The following TBP variants were observed in gnomAD, a reference collection of about 807,000 sequenced individuals.
TBP encodes TATA-box-binding protein.
Under a neutral mutation model 46.2 loss-of-function variants are expected in TBP, and 12 were observed. The observed-to-expected ratio is 0.26, with a 90% CI of 0.17 to 0.42. The LOEUF (loss-of-function observed/expected upper bound fraction) is 0.42. TBP is among the 10% of genes least tolerant of loss of function. TBP has a pLI of 1.00. For synonymous variants in TBP, 157 were observed against 148.3 expected (o/e 1.06, Z -0.42); for missense variants, 229 against 403.1 (o/e 0.57, Z 3.70).
At chr6:170,567,419 AG>A (rs1779284243) in intron 5 of TBP, 1 of 152,924 alleles carries the variant, frequency 6.5e-6, no homozygotes. Context: ...CGGGAGGTGG[AG>A]GTTGCAGTGA....
rs577070091 is a variant in TBP at position 170,561,829 on chromosome 6, G to C, written c.93G>C (p.Met31Ile). ...CCGGAATCCCTATCTTTAGTCCAATGATGCCTTATGGCACTGGACTGACCC... is the reference window on the plus strand; with the variant it reads ...CCGGAATCCCTATCTTTAGTCCAATCATGCCTTATGGCACTGGACTGACCC... ...MTPGIPIFSPMMPYGTGLTPQ... is the reference protein window; with the variant it reads ...MTPGIPIFSPIMPYGTGLTPQ... Residue 31 changes from methionine (M) to isoleucine (I), a missense_variant, in exon 3 of 8, where the codon ATG (methionine) becomes ATC (isoleucine). Transcript: ENST00000392092. 8.7e-6 allele frequency: 14 copies of C among 1,613,030 alleles called. No homozygotes were observed. In the East Asian group the frequency reaches 3.1e-4, roughly 36 times the overall value.
intron 3 of TBP, among the ~76,000 whole-genome samples, chr6:170,562,995 T>G (rs1779177411): frequency 6.6e-6 from 1 of 152,162 alleles, no homozygotes. Flanking sequence ...CATATATGGT[T>G]GTTGTTTATA....
At chr6:170,561,098 T>C (rs960015223) in intron 2 of TBP, among the ~76,000 whole-genome samples, 3 of 152,330 alleles carry the variant, frequency 2.0e-5, no homozygotes, top group Middle Eastern at 3.4e-3. Flanking sequence ...TCAGCAGCCA[T>C]CAACATCGAG....
In TBP at chr6:170,557,798, C is replaced by T. The variant is rs1216744884; in HGVS notation, c.54+715C>T. On this transcript the variant is annotated intron_variant, in intron 2 of 7. Coordinates refer to ENST00000392092, the MANE Select transcript of TBP (RefSeq NM_003194.5). Reference sequence around the variant, plus strand: ...GTTGAAATATACATACAAAAAAACTCATTTTAAGTGTCTGTTTTGATAATT... The same window carrying T: ...GTTGAAATATACATACAAAAAAACTTATTTTAAGTGTCTGTTTTGATAATT... Among the ~76,000 whole-genome samples, 6 of 143,586 alleles carry T rather than the reference C, an allele frequency of 4.2e-5. 1 individual carries two copies. The highest frequency in any genetic ancestry group is 1.5e-4 in the African/African-American group (6 of 39,412). 94.2% of individuals were successfully genotyped at this position (143,586 alleles called of 152,430 possible). A position where few individuals can be genotyped will look rare whatever the true frequency, so the allele number is the denominator to read the frequency against.
chr6:170,565,934 G>A (rs1395570477), intron 4 of TBP, among the ~76,000 whole-genome samples: 1 of 151,954 alleles, frequency 6.6e-6, no homozygotes, highest in African/African-American at 2.4e-5. Context: ...ATTATCTGGG[G>A]TTGGTGGCAC....
chr6:170,559,256 T>A (rs1307623705), intron 2 of TBP, among the ~76,000 whole-genome samples: 1 of 152,166 alleles, frequency 6.6e-6, no homozygotes, highest in African/African-American at 2.4e-5. Flanking sequence ...ATCTCTCATT[T>A]GAAACCAAAA....
chr6:170,562,312 C>G lies in TBP; in HGVS notation c.497+79C>G, dbSNP rs377127291. The G allele has an allele frequency of 1.2e-4, 170 of 1,436,558 alleles. No individual in the cohort carries two copies. In the African/African-American group the frequency reaches 2.1e-3, roughly 18 times the overall value. 89.0% of individuals were successfully genotyped at this position (1,436,558 alleles called of 1,614,324 possible). ...GTTCCTGCTCTGTTTTCAGATGGATCCTTTTATTAAGGGAGGGAGTGGCAC... is the reference window on the plus strand; with the variant it reads ...GTTCCTGCTCTGTTTTCAGATGGATGCTTTTATTAAGGGAGGGAGTGGCAC... On this transcript the variant is annotated intron_variant, in intron 3 of 7. Coordinates refer to ENST00000392092, the MANE Select transcript of TBP (RefSeq NM_003194.5).
chr6:170,572,228 T>C lies in TBP; in HGVS notation c.983T>C (p.Ile328Thr), dbSNP rs762934477. 6.2e-7 allele frequency: 1 copy of C among 1,614,006 alleles called. No homozygotes were observed. The highest frequency in any genetic ancestry group is 8.5e-7 in the Non-Finnish European group (1 of 1,179,980). Residue 328 changes from isoleucine to threonine, a missense_variant, in exon 8 of 8, where the codon ATC becomes ACC. Ile to Thr is a moderately conservative substitution (Grantham distance 89, BLOSUM62 -1). Coordinates refer to ENST00000392092, the MANE Select transcript of TBP (RefSeq NM_003194.5). ...RAEIYEAFEN[I>T]YPILKGFRKT... ...GAAATTTATGAAGCATTTGAAAACA[T>C]CTACCCTATTCTAAAGGGATTCAGG... is the stretch of plus-strand genomic sequence containing the variant.
At chr6:170,566,639 A>G (rs1258471596) in intron 4 of TBP, among the ~76,000 whole-genome samples, 3 of 152,242 alleles carry the variant, frequency 2.0e-5, no homozygotes, top group Non-Finnish European at 4.4e-5. Context: ...AAATTTTGCA[A>G]ACATTTCTCT....
chr6:170,566,832 G>T (rs1035126666), intron 4 of TBP, 86 bp from the exon 5 acceptor site: 3 of 1,079,520 alleles, frequency 2.8e-6, no homozygotes, highest in African/African-American at 3.1e-5. Flanking sequence ...CCTACCAGTT[G>T]TGATTTTTTT....
At chr6:170,565,011 G>T (rs1779218673) in intron 4 of TBP, among the ~76,000 whole-genome samples, 1 of 152,068 alleles carries the variant, frequency 6.6e-6, no homozygotes, top group Non-Finnish European at 1.5e-5. Flanking sequence ...ACAAAAATTT[G>T]CCGGGAGTGG....
intron 1 of TBP, among the ~76,000 whole-genome samples, chr6:170,556,428 G>T (rs1295072658): frequency 6.6e-6 from 1 of 151,582 alleles, no homozygotes; most frequent in African/African-American, 2.4e-5. Flanking sequence ...GAAGTATATT[G>T]GATTGAATTT....
chr6:170,567,057 A>C (rs1208683036), intron 5 of TBP, 48 bp downstream of exon 5: 6 of 1,497,478 alleles, frequency 4.0e-6, no homozygotes, highest in Non-Finnish European at 5.5e-6. Context: ...ATGAATGAAA[A>C]GGTGATATCT....
chr6:170,566,812 C>T (rs1285859357), intron 4 of TBP, 106 bp from the exon 5 acceptor site: 3 of 803,516 alleles, frequency 3.7e-6, no homozygotes, highest in Non-Finnish European at 6.2e-6. Flanking sequence ...ACTAGATGTA[C>T]TATGTCCTTC....
At position 170,569,791 on chromosome 6, in the gene TBP, A is replaced by G. The variant is rs1171564349; in HGVS notation, c.845+12A>G. ...CAACAATTTAGTAGGTAAGTCTGAA[A>G]TGTATTATGATTGTTATTGGCAACA... On this transcript the variant is annotated intron_variant, in intron 6 of 7. Coordinates refer to ENST00000392092, the MANE Select transcript of TBP (RefSeq NM_003194.5). 1.9e-6 allele frequency: 3 copies of G among 1,604,436 alleles called. No homozygotes were observed. The highest frequency in any genetic ancestry group is 2.6e-6 in the Non-Finnish European group (3 of 1,176,236).
intron 3 of TBP, 60 bp downstream of exon 3, chr6:170,562,293 GCT>G (rs1779165160): frequency 5.2e-6 from 8 of 1,524,656 alleles, no homozygotes; most frequent in Admixed American, 3.6e-5. Context: ...TTATGTTCCT[GCT>G]CTGTTTTCAG....
At chr6:170,559,017 A>AGTTATT (rs1447079717) in intron 2 of TBP, among the ~76,000 whole-genome samples, 2 of 152,216 alleles carry the variant, frequency 1.3e-5, no homozygotes, top group African/African-American at 4.8e-5. Flanking sequence ...TATTGTGATC[A>AGTTATT]GTGATCTTTG....
intron 2 of TBP, among the ~76,000 whole-genome samples, chr6:170,560,489 T>C (rs1319837538): frequency 6.6e-6 from 1 of 152,176 alleles, no homozygotes; most frequent in African/African-American, 2.4e-5. Flanking sequence ...GAGGGACATA[T>C]GCTGTAGCTG....
At position 170,572,628 on chromosome 6, in the gene TBP, G is replaced by A. The variant is rs1270639040; in HGVS notation, c.*363G>A. 1.5e-5 allele frequency: 3 copies of A among 200,350 alleles called. No homozygotes were observed. The highest frequency in any genetic ancestry group is 6.9e-5 in the African/African-American group (3 of 43,170). 12.4% of individuals were successfully genotyped at this position (200,350 alleles called of 1,614,324 possible). On this transcript the variant is annotated 3_prime_UTR_variant, in exon 8 of 8. Transcript: ENST00000392092. ...ATTGATTGGACTTTTTAATTTTAAT[G>A]TTTTTCCCCATGAACCACAGTTTTT... is the stretch of plus-strand genomic sequence containing the variant.
Sources: gnomAD v4.1 joint callset for allele counts (sites outside exome capture counted in the v4.1 genomes callset) on GRCh38, gnomAD v4.1.1 for gene constraint, MANE v1.5 for transcripts, NCBI Gene and HGNC (gene_info 2026-07-23, HGNC 2026-07-21) for gene names.